ABCC5: variants seen among roughly 807,000 people sequenced by gnomAD.
The protein encoded by ABCC5 is ATP binding cassette subfamily C member 5, also known as ATP-binding cassette sub-family C member 5.
ABCC5 carries 61 observed loss-of-function variants against 160.9 expected under a neutral mutation model. The observed-to-expected ratio is 0.38, with a 90% CI of 0.31 to 0.47. The LOEUF is 0.47. Among genes scored for constraint, ABCC5 ranks in the 20% least tolerant of loss-of-function variants. The pLI, the probability that ABCC5 is intolerant of heterozygous loss-of-function variation, is 0.99. For synonymous variants in ABCC5, 666 were observed against 700.6 expected (o/e 0.95, Z 0.78); for missense variants, 1,308 against 1,813.3 (o/e 0.72, Z 5.06).
chr3:183,999,826 T>C (rs866258249), intron 2 of ABCC5, among the ~76,000 whole-genome samples: 1 of 151,854 alleles, frequency 6.6e-6, no homozygotes, highest in Non-Finnish European at 1.5e-5. Context: ...TGGAGATGAA[T>C]TAATTGATAT....
At chr3:183,965,302 AGCCTGCTGACTAGGGCT>A in intron 13 of ABCC5, 45 bp from the exon 14 acceptor site, 1 of 1,614,096 alleles carries the variant, frequency 6.2e-7, no homozygotes, top group Non-Finnish European at 8.5e-7. Context: ...GCGGGAGCAG[AGCCTGCTGACTAGGGCT>A]GCCTTGCATC....
chr3:184,009,824 C>A, intron 2 of ABCC5: 1 of 250,208 alleles, frequency 4.0e-6, no homozygotes, highest in Non-Finnish European at 8.3e-6. Context: ...TACAAGGATA[C>A]AGTAAAAATC....
At chr3:183,989,592 CTT>C (rs10670556) in intron 2 of ABCC5, among the ~76,000 whole-genome samples, 6 of 145,466 alleles carry the variant, frequency 4.1e-5, no homozygotes, top group Admixed American at 1.4e-4. Flanking sequence ...AAACAGTTTT[CTT>C]TTTTTTTTTT....
At chr3:184,012,902 A>T (rs1393789541) in intron 2 of ABCC5, among the ~76,000 whole-genome samples, 1 of 152,350 alleles carries the variant, frequency 6.6e-6, no homozygotes, top group East Asian at 1.9e-4. Flanking sequence ...TAACACAACC[A>T]AAGAGGGAAA....
rs895034387 is a variant in ABCC5, at chr3:184,017,576, TC to T, written c.-56+253del. 1 of 151,222 alleles carries T rather than the reference TC, an allele frequency of 6.6e-6. No individual in the cohort carries two copies. Among genetic ancestry groups the T allele is most frequent in the African/African-American group, 2.4e-5 (1 of 41,164 alleles). 9.4% of individuals were successfully genotyped at this position (151,222 alleles called of 1,614,324 possible). ...GCCGCGGCCAGGGACGTAGCCCGCG[TC>T]CCTGCCCGCTCATCCCGATCCTACC... is the stretch of plus-strand genomic sequence containing the variant. On this transcript the variant is annotated intron_variant, in intron 1 of 29. Transcript: ENST00000334444. This position sits in a 1 kb window ranked among gnomAD's most constrained non-coding sequence, Gnocchi z 4.5.
intron 10 of ABCC5, among the ~76,000 whole-genome samples, chr3:183,973,945 C>A (rs764987154): frequency 1.9e-4 from 29 of 152,196 alleles, no homozygotes; most frequent in Non-Finnish European, 4.4e-5. Flanking sequence ...GTTTTCACAG[C>A]TCCAGCCCCA....
At chr3:184,009,993 C>CA in intron 2 of ABCC5, 15 of 433,142 alleles carry the variant, frequency 3.5e-5, no homozygotes, top group Middle Eastern at 4.1e-4. Flanking sequence ...AAAAAACAAA[C>CA]AAAAAAAATT....
At chr3:183,929,518 G>A (rs1712960902) in intron 26 of ABCC5, among the ~76,000 whole-genome samples, 2 of 152,124 alleles carry the variant, frequency 1.3e-5, no homozygotes, top group Non-Finnish European at 2.9e-5. Context: ...GGTTTACCTG[G>A]TTCACAACCC....
rs374552547 is a variant in ABCC5 at position 183,984,812 on chromosome 3, G to T, written c.592-1805C>A. The T allele has an allele frequency of 1.7e-4, 264 of 1,581,222 alleles. 1 individual carries two copies. Among genetic ancestry groups the T allele is most frequent in the Non-Finnish European group, 2.1e-4 (247 of 1,171,854 alleles). On this transcript the variant is annotated intron_variant, in intron 5 of 29. Transcript: ENST00000334444. ...AGGGCCAAAGCCCCCTTTTCCTCAC[G>T]TGAAGCAACTCAGTAAGATGGCGGT...
chr3:183,991,688 TCAA>T (rs1719781624), intron 2 of ABCC5, among the ~76,000 whole-genome samples: 1 of 152,148 alleles, frequency 6.6e-6, no homozygotes, highest in Non-Finnish European at 1.5e-5. Context: ...ATGACAGGAG[TCAA>T]CAACAAGAAC....
Position 183,934,085 on chromosome 3 carries a change from C to T in ABCC5, c.3854+3816G>A, listed in dbSNP as rs539248838. On this transcript the variant is annotated intron_variant, in intron 26 of 29. Transcript: ENST00000334444. ...CTTTGGGAGGCTGAGGTGGGCAGATCACCTGAGGTCAGGAGTTCGAGACCA... is the reference window on the plus strand; with the variant it reads ...CTTTGGGAGGCTGAGGTGGGCAGATTACCTGAGGTCAGGAGTTCGAGACCA... Among the ~76,000 whole-genome samples, 13 of 152,314 alleles carry T rather than the reference C, an allele frequency of 8.5e-5. No homozygotes were observed. The East Asian group carries it at 2.5e-3, about 29-fold the overall frequency.
At chr3:184,005,141 A>T (rs1721076179) in intron 2 of ABCC5, among the ~76,000 whole-genome samples, 2 of 152,136 alleles carry the variant, frequency 1.3e-5, no homozygotes, top group Admixed American at 1.3e-4. Context: ...CATCCTTGGG[A>T]AGCTCACCCA....
At chr3:183,981,326 T>C (rs559455921) in intron 8 of ABCC5, among the ~76,000 whole-genome samples, 1 of 152,288 alleles carries the variant, frequency 6.6e-6, no homozygotes, top group Non-Finnish European at 1.5e-5. Context: ...GGCCACAAAC[T>C]ATTTCCCGTG....
intron 12 of ABCC5, among the ~76,000 whole-genome samples, chr3:183,966,150 G>A (rs3792583): frequency 0.2 from 30,402 of 152,100 alleles, 3,169 homozygotes; most frequent in East Asian, 0.43. Context: ...GTAGACATTT[G>A]TCTTGGTTTA....
chr3:183,921,275 AAG>A lies in ABCC5; in HGVS notation c.*23_*24del. 1 of 1,394,786 alleles carries A rather than the reference AAG, an allele frequency of 7.2e-7. No individual in the cohort carries two copies. Among genetic ancestry groups the A allele is most frequent in the Non-Finnish European group, 1.0e-6 (1 of 991,038 alleles). The allele number at this position is 1,394,786 out of a possible 1,614,324, so 86.4% of individuals were successfully genotyped here. On this transcript the variant is annotated 3_prime_UTR_variant, in exon 30 of 30. Transcript: ENST00000334444. This position sits in a 1 kb window ranked among gnomAD's most constrained non-coding sequence, Gnocchi z 4.1. ...CAGGGAATGGCAATGCTCTAAAGAA[AAG>A]AGACTTCGTCAACAGGGAGGAGTCA...
chr3:183,983,887 G>A (rs1430110394), intron 5 of ABCC5: 3 of 985,330 alleles, frequency 3.0e-6, no homozygotes, highest in Admixed American at 6.1e-5. Flanking sequence ...AGTTATACAG[G>A]ACTAGCCATC....
intron 9 of ABCC5, 108 bp downstream of exon 9, chr3:183,978,395 C>G: frequency 7.4e-7 from 1 of 1,354,224 alleles, no homozygotes; most frequent in South Asian, 1.4e-5. Flanking sequence ...ATGGCATGAT[C>G]TTGGCTCACT....
At position 183,969,503 on chromosome 3, in the gene ABCC5, C is replaced by T. The variant is rs984622706; in HGVS notation, c.1762-1737G>A. The stretch of plus-strand genomic sequence containing the variant: ...GGTGAGGAGTTCGAGACCAGCCTGG[C>T]CAACATGGTGAAACCCCGTCTCTAC... On this transcript the variant is annotated intron_variant, in intron 11 of 29. Coordinates refer to ENST00000334444, the MANE Select transcript of ABCC5 (RefSeq NM_005688.4). 2.1e-4 allele frequency among the ~76,000 whole-genome samples: 32 copies of T among 152,174 alleles called. 1 individual carries two copies. In the Middle Eastern group the frequency reaches 0.014, roughly 65 times the overall value.
chr3:183,998,048 G>C (rs964037862), intron 2 of ABCC5, among the ~76,000 whole-genome samples: 1 of 152,078 alleles, frequency 6.6e-6, no homozygotes, highest in Non-Finnish European at 1.5e-5. Context: ...CTTGGCTTCG[G>C]AAAGTGCTGG....
Sources: gnomAD v4.1 joint callset for allele counts (sites outside exome capture counted in the v4.1 genomes callset) on GRCh38, gnomAD v4.1.1 for gene constraint, Gnocchi (gnomAD v3.1) non-coding constraint, MANE v1.5 for transcripts, NCBI Gene and HGNC (gene_info 2026-07-23, HGNC 2026-07-21) for gene names.